The following VSTM2B variants were observed in gnomAD, a reference collection of about 807,000 sequenced individuals.
VSTM2B encodes the protein V-set and transmembrane domain containing 2B, also known as V-set and transmembrane domain-containing protein 2B.
In VSTM2B, 24 loss-of-function variants were observed where a neutral mutation model predicts 24.0. The ratio of observed to expected loss-of-function variants is 1.00; its 90% CI spans 0.72 to 1.40. The LOEUF (loss-of-function observed/expected upper bound fraction) is 1.40. VSTM2B is among the 40% of genes most tolerant of loss of function. The pLI, the probability that VSTM2B is intolerant of heterozygous loss-of-function variation, is 0.00. For missense variants in VSTM2B, 399 were observed against 416.4 expected, an observed-to-expected ratio of 0.96 and a Z score of 0.36; for synonymous variants, 226 against 194.4, an observed-to-expected ratio of 1.16 and a Z score of -1.35.
intron 4 of VSTM2B, among the ~76,000 whole-genome samples, chr19:29,539,247 G>A (rs767539794): frequency 3.3e-5 from 5 of 152,164 alleles, no homozygotes; most frequent in Non-Finnish European, 7.3e-5. Context: ...GGCTCCTGGG[G>A]AAAGCTGCTC....
At chr19:29,547,761 G>C (rs1970185956) in intron 4 of VSTM2B, among the ~76,000 whole-genome samples, 1 of 152,134 alleles carries the variant, frequency 6.6e-6, no homozygotes, top group Non-Finnish European at 1.5e-5. Flanking sequence ...CTCAGGGAGG[G>C]CTGCCTGGAG....
rs1172938160 is a variant in VSTM2B, at chr19:29,526,537, G to T, written c.-47G>T. On this transcript the variant is annotated 5_prime_UTR_variant, in exon 1 of 5. Coordinates refer to ENST00000335523, the MANE Select transcript of VSTM2B (RefSeq NM_001146339.2). This position sits in a 1 kb window ranked among gnomAD's most constrained non-coding sequence, Gnocchi z 4.1. ...GCCGATCCGAGCCCACGCGGCCGCC[G>T]CCTCTCCGCTCCCGGGCCCCCGCCG... 1.4e-6 allele frequency: 2 copies of T among 1,452,260 alleles called. No individual in the cohort carries two copies. Among genetic ancestry groups the T allele is most frequent in the Non-Finnish European group, 1.8e-6 (2 of 1,093,796 alleles). 90.0% of individuals were successfully genotyped at this position (1,452,260 alleles called of 1,614,324 possible). A position where few individuals can be genotyped will look rare whatever the true frequency, so the allele number is the denominator to read the frequency against.
At chr19:29,541,862 G>A (rs759000101) in intron 4 of VSTM2B, among the ~76,000 whole-genome samples, 25 of 151,814 alleles carry the variant, frequency 1.6e-4, no homozygotes, top group Non-Finnish European at 3.2e-4. Flanking sequence ...GTAGATGGGT[G>A]GGCAGATGGG....
intron 4 of VSTM2B, among the ~76,000 whole-genome samples, chr19:29,535,700 G>C (rs958507197): frequency 6.6e-6 from 1 of 152,164 alleles, no homozygotes; most frequent in Non-Finnish European, 1.5e-5. Context: ...ACTACATCTC[G>C]ACCCATGCCC....
At position 29,563,976 on chromosome 19, in the gene VSTM2B, C is replaced by G; in HGVS notation, c.*42C>G. The G allele has an allele frequency of 6.6e-7, 1 of 1,512,786 alleles. No individual in the cohort carries two copies. The highest frequency in any genetic ancestry group is 1.7e-4 in the Middle Eastern group (1 of 5,930). The allele number at this position is 1,512,786 out of a possible 1,614,324, so 93.7% of individuals were successfully genotyped here. ...GAGCATCTCAGAGGCCGCACATGACCTGCCCGGGGCCCTCGGTGAGGACCA... is the reference window on the plus strand; with the variant it reads ...GAGCATCTCAGAGGCCGCACATGACGTGCCCGGGGCCCTCGGTGAGGACCA... On this transcript the variant is annotated 3_prime_UTR_variant, in exon 5 of 5. Coordinates refer to ENST00000335523, the MANE Select transcript of VSTM2B (RefSeq NM_001146339.2).
chr19:29,556,485 G>A (rs1970411633), intron 4 of VSTM2B, among the ~76,000 whole-genome samples: 1 of 152,194 alleles, frequency 6.6e-6, no homozygotes, highest in African/African-American at 2.4e-5. Context: ...GGAAAAGGAT[G>A]CCCTCTCTCA....
At chr19:29,556,194 G>A (rs1327943840) in intron 4 of VSTM2B, among the ~76,000 whole-genome samples, 3 of 152,046 alleles carry the variant, frequency 2.0e-5, no homozygotes, top group African/African-American at 4.8e-5. Flanking sequence ...AAATCTAGAG[G>A]CACATCAAAA....
chr19:29,541,906 G>A (rs752190853), intron 4 of VSTM2B, among the ~76,000 whole-genome samples: 4 of 151,694 alleles, frequency 2.6e-5, no homozygotes, highest in Non-Finnish European at 4.4e-5. Context: ...ATGACGAGTG[G>A]ACGGGTAGAT....
At position 29,526,983 on chromosome 19, in the gene VSTM2B, C is replaced by A; in HGVS notation, c.83-228C>A. The stretch of plus-strand genomic sequence containing the variant: ...GGGGAGAAGCACGAGTCGCCCCTGC[C>A]GCCCCGCCCCATCCGGAGGGAAGCA... On this transcript the variant is annotated intron_variant, in intron 1 of 4. Transcript: ENST00000335523. This position sits in a 1 kb window ranked among gnomAD's most constrained non-coding sequence, Gnocchi z 4.1. 2.1e-6 allele frequency: 1 copy of A among 482,086 alleles called. No individual in the cohort carries two copies. Among genetic ancestry groups the A allele is most frequent in the Non-Finnish European group, 3.6e-6 (1 of 278,460 alleles). The allele number at this position is 482,086 out of a possible 1,614,324, so 29.9% of individuals were successfully genotyped here. A position where few individuals can be genotyped will look rare whatever the true frequency, so the allele number is the denominator to read the frequency against.
chr19:29,532,156 T>C (rs1428643250), intron 4 of VSTM2B, among the ~76,000 whole-genome samples: 1 of 152,254 alleles, frequency 6.6e-6, no homozygotes, highest in African/African-American at 2.4e-5. Context: ...CTGGCAGCGC[T>C]TAACTCTCTC....
rs905995627 is a variant in VSTM2B at position 29,543,143 on chromosome 19, G to A, written c.769+12853G>A. On this transcript the variant is annotated intron_variant, in intron 4 of 4. Coordinates refer to ENST00000335523, the MANE Select transcript of VSTM2B (RefSeq NM_001146339.2). ...TCCACGTACAAATTAATGTAGATAT[G>A]TTTTTTCAGGCATTTAAGAAATCCC... Among the ~76,000 whole-genome samples the A allele has an allele frequency of 2.0e-5, 3 of 152,258 alleles. No individual in the cohort carries two copies. In the East Asian group the frequency reaches 5.8e-4, roughly 29 times the overall value.
At chr19:29,534,164 C>G (rs1028190616) in intron 4 of VSTM2B, among the ~76,000 whole-genome samples, 10 of 152,192 alleles carry the variant, frequency 6.6e-5, no homozygotes, top group African/African-American at 1.9e-4. Context: ...TCAGTGGGAG[C>G]CATCAGCAGA....
At chr19:29,541,605 A>T (rs2145485644) in intron 4 of VSTM2B, among the ~76,000 whole-genome samples, 1 of 152,092 alleles carries the variant, frequency 6.6e-6, no homozygotes, top group Admixed American at 6.5e-5. Flanking sequence ...AATGGATGGG[A>T]TAATAAATGG....
chr19:29,529,592 G>C (rs1458895163), intron 3 of VSTM2B, among the ~76,000 whole-genome samples: 1 of 152,194 alleles, frequency 6.6e-6, no homozygotes, highest in Admixed American at 6.5e-5. Context: ...ACGTGATGGG[G>C]ACGTGGGGAC....
At position 29,527,275 on chromosome 19, in the gene VSTM2B, C is replaced by A; in HGVS notation, c.147C>A (p.Cys49Ter). ...VREGDDIEMP[C>*]AFRASGATSY... ...AGGGAGACGACATCGAAATGCCCTG[C>A]GCGTTCCGGGCCAGCGGAGCCACCT... Residue 49 changes from cysteine (C) to a stop codon, truncating the protein, a stop_gained, in exon 2 of 5, where the codon TGC becomes TGA. Transcript: ENST00000335523. LOFTEE classifies it high-confidence loss of function. 1.3e-6 allele frequency: 2 copies of A among 1,550,510 alleles called. No individual in the cohort carries two copies. The highest frequency in any genetic ancestry group is 8.7e-7 in the Non-Finnish European group (1 of 1,146,814).
rs1156269088 is a variant in VSTM2B at position 29,527,042 on chromosome 19, C to T, written c.83-169C>T. On this transcript the variant is annotated intron_variant, in intron 1 of 4. Transcript: ENST00000335523. ...CCGATGGCCGGTCCCTGCCTCGGCC[C>T]TGCAGCCGCTTCCCCGAACTTTGCT... 4.8e-6 allele frequency: 3 copies of T among 620,012 alleles called. No individual in the cohort carries two copies. In the Admixed American group the frequency reaches 9.2e-5, roughly 19 times the overall value. The allele number at this position is 620,012 out of a possible 1,614,324, so 38.4% of individuals were successfully genotyped here.
At chr19:29,528,547 C>T in intron 3 of VSTM2B, 85 bp downstream of exon 3, 1 of 1,513,528 alleles carries the variant, frequency 6.6e-7, no homozygotes, top group Non-Finnish European at 9.0e-7. Context: ...CAAGCCGCGG[C>T]GGCCGCGCAT....
chr19:29,539,500 G>C (rs1969975592), intron 4 of VSTM2B, among the ~76,000 whole-genome samples: 1 of 152,112 alleles, frequency 6.6e-6, no homozygotes, highest in Admixed American at 6.5e-5. Context: ...GGTGCCCGAA[G>C]TCCCCATCAC....
chr19:29,540,998 A>G (rs1314675854), intron 4 of VSTM2B, among the ~76,000 whole-genome samples: 1 of 152,214 alleles, frequency 6.6e-6, no homozygotes, highest in South Asian at 2.1e-4. Context: ...AGGGACTCAC[A>G]TGTGCAAAGG....
Sources: gnomAD v4.1 joint callset for allele counts (sites outside exome capture counted in the v4.1 genomes callset) on GRCh38, gnomAD v4.1.1 for gene constraint, Gnocchi (gnomAD v3.1) non-coding constraint, MANE v1.5 for transcripts, NCBI Gene and HGNC (gene_info 2026-07-23, HGNC 2026-07-21) for gene names.